The following DLGAP5 variants were observed in gnomAD, a reference collection of about 807,000 sequenced individuals.
DLGAP5 encodes the protein DLG associated protein 5, also known as disks large-associated protein 5.
A neutral mutation model predicts 99.6 loss-of-function variants in DLGAP5; 90 were observed. That is an observed-to-expected ratio of 0.90 (90% CI 0.76 to 1.08). DLGAP5 has a LOEUF of 1.08. DLGAP5 is among the 50% of genes least tolerant of loss of function. DLGAP5 has a pLI of 0.00. For missense variants in DLGAP5, 1,036 were observed against 983.5 expected (o/e 1.05, Z -0.71); for synonymous variants, 311 against 321.3 (o/e 0.97, Z 0.34).
intron 9 of DLGAP5, 74 bp downstream of exon 9, chr14:55,175,820 A>T: frequency 7.8e-7 from 1 of 1,281,600 alleles, no homozygotes; most frequent in Non-Finnish European, 1.1e-6. Context: ...AAATGTAATT[A>T]CTATACCTGA....
chr14:55,159,108 A>G (rs1243832789), intron 13 of DLGAP5, among the ~76,000 whole-genome samples: 1 of 152,092 alleles, frequency 6.6e-6, no homozygotes, highest in Non-Finnish European at 1.5e-5. Context: ...CATTAAAAGA[A>G]AATAAATAAG....
chr14:55,189,106 T>C lies in DLGAP5; in HGVS notation c.74A>G (p.His25Arg), dbSNP rs2139542358. 3 of 1,614,048 alleles carry C rather than the reference T, an allele frequency of 1.9e-6. No homozygotes were observed. In the East Asian group the frequency reaches 6.7e-5, roughly 36 times the overall value. ...TTCTTTCTGAGACAGTGATTTCCTA[T>C]GAGCAATTTTAGTTCTAATCATTTC... ...STEMIRTKIA[H>R]RKSLSQKENR... Residue 25 changes from histidine (H) to arginine (R), a missense_variant, in exon 2 of 19, where the codon CAT (histidine) becomes CGT (arginine). Coordinates refer to ENST00000247191, the MANE Select transcript of DLGAP5 (RefSeq NM_014750.5).
intron 12 of DLGAP5, among the ~76,000 whole-genome samples, chr14:55,164,933 A>AG (rs1882586164): frequency 7.5e-6 from 1 of 134,066 alleles, no homozygotes; most frequent in Non-Finnish European, 1.5e-5. Flanking sequence ...AAAAAAAAAA[A>AG]AAAAGAGAAA....
At chr14:55,187,722 A>T (rs978983420) in intron 2 of DLGAP5, among the ~76,000 whole-genome samples, 8 of 151,956 alleles carry the variant, frequency 5.3e-5, no homozygotes, top group Non-Finnish European at 1.2e-4. Context: ...CTGAAGCTTC[A>T]AACTCCTGAG....
chr14:55,166,907 G>T (rs1057463635), intron 12 of DLGAP5, among the ~76,000 whole-genome samples: 1 of 149,600 alleles, frequency 6.7e-6, no homozygotes, highest in Admixed American at 6.7e-5. Flanking sequence ...TGCCCCAATG[G>T]CCAACTTGAA....
Position 55,180,794 on chromosome 14 carries a change from A to T in DLGAP5, c.581-16T>A, listed in dbSNP as rs775038223. 45 of 1,613,904 alleles carry T rather than the reference A, an allele frequency of 2.8e-5. No homozygotes were observed. The highest frequency in any genetic ancestry group is 3.6e-5 in the Non-Finnish European group (43 of 1,179,956). ...GGCTGCACAACTGTGGGAAAAAAAA[A>T]TAACTACATCAAATGTCCCTTGTAG... is the stretch of plus-strand genomic sequence containing the variant. On this transcript the variant is annotated splice_polypyrimidine_tract_variant and intron_variant, in intron 5 of 18. Coordinates refer to ENST00000247191, the MANE Select transcript of DLGAP5 (RefSeq NM_014750.5).
Position 55,158,636 on chromosome 14 carries a change from TTC to T in DLGAP5, c.1757_1758del (p.Arg586AsnfsTer2), listed in dbSNP as rs1210033215. 2 of 1,608,640 alleles carry T rather than the reference TTC, an allele frequency of 1.2e-6. No homozygotes were observed. Among genetic ancestry groups the T allele is most frequent in the Non-Finnish European group, 1.7e-6 (2 of 1,175,236 alleles). On this transcript the variant is annotated frameshift_variant, in exon 14 of 19. Coordinates refer to ENST00000247191, the MANE Select transcript of DLGAP5 (RefSeq NM_014750.5). LOFTEE classifies it high-confidence loss of function. ...GTTTCAGCACATTCTTCCTGCCTAA[TTC>T]TCTCTCTCATTGCATTTTTTATGGC... ...LAAIKNAMRERIRQEECAETA... is the reference protein window; with the variant it reads ...LAAIKNAMREXIRQEECAETA...
chr14:55,170,802 T>C lies in DLGAP5; in HGVS notation c.1302-15A>G, dbSNP rs1387584905. On this transcript the variant is annotated splice_polypyrimidine_tract_variant and intron_variant, in intron 10 of 18. Coordinates refer to ENST00000247191, the MANE Select transcript of DLGAP5 (RefSeq NM_014750.5). ...GGAGGATATTTCTAAAATTATGACA[T>C]ACATTTCAGTTCTACAAGTGGTTTT... 5 of 1,601,206 alleles carry C rather than the reference T, an allele frequency of 3.1e-6. No homozygotes were observed. In the African/African-American group the frequency reaches 4.0e-5, roughly 13 times the overall value.
chr14:55,178,172 A>C (rs1258928953), intron 7 of DLGAP5, among the ~76,000 whole-genome samples: 1 of 151,980 alleles, frequency 6.6e-6, no homozygotes, highest in Non-Finnish European at 1.5e-5. Flanking sequence ...GAATGGTGAG[A>C]AACCGGGAGG....
At chr14:55,165,991 T>C (rs1222954466) in intron 12 of DLGAP5, among the ~76,000 whole-genome samples, 1 of 152,246 alleles carries the variant, frequency 6.6e-6, no homozygotes, top group African/African-American at 2.4e-5. Context: ...GAAAATAGTT[T>C]GGGCAGTTTC....
At chr14:55,188,122 T>A (rs536404871) in intron 2 of DLGAP5, among the ~76,000 whole-genome samples, 1 of 152,300 alleles carries the variant, frequency 6.6e-6, no homozygotes, top group South Asian at 2.1e-4. Flanking sequence ...TAAAAAATGT[T>A]TGGTTCTTTC....
chr14:55,160,887 T>C (rs535651652), intron 13 of DLGAP5, among the ~76,000 whole-genome samples: 3 of 152,144 alleles, frequency 2.0e-5, no homozygotes, highest in African/African-American at 4.8e-5. Context: ...TAATAGAGTA[T>C]AGAAAACATT....
intron 7 of DLGAP5, among the ~76,000 whole-genome samples, chr14:55,178,028 G>A (rs1332585370): frequency 1.1e-5 from 1 of 89,256 alleles, no homozygotes; most frequent in Non-Finnish European, 1.8e-5. Context: ...TGAGGCGGGC[G>A]GATCACAAGG....
intron 7 of DLGAP5, among the ~76,000 whole-genome samples, chr14:55,178,249 C>T (rs529569348): frequency 1.5e-4 from 22 of 150,786 alleles, no homozygotes; most frequent in Non-Finnish European, 2.4e-4. Flanking sequence ...GAGACTCTGT[C>T]TCAAAAAAAA....
chr14:55,183,315 C>T (rs1056396588), intron 3 of DLGAP5, among the ~76,000 whole-genome samples: 1 of 152,188 alleles, frequency 6.6e-6, no homozygotes, highest in African/African-American at 2.4e-5. Context: ...AGGATAAACA[C>T]CAAATCCTTT....
At position 55,156,862 on chromosome 14, in the gene DLGAP5, A is replaced by C. The variant is rs148882817; in HGVS notation, c.1873+1660T>G. Among the ~76,000 whole-genome samples the C allele has an allele frequency of 3.2e-3, 490 of 152,370 alleles. 4 individuals are homozygous for C. The highest frequency in any genetic ancestry group is 0.011 in the African/African-American group (466 of 41,586). On this transcript the variant is annotated intron_variant, in intron 14 of 18. Coordinates refer to ENST00000247191, the MANE Select transcript of DLGAP5 (RefSeq NM_014750.5). Reference sequence around the variant, plus strand: ...GTTATAAAATGAACATTTGGAGAGTAAGAAAGGGCTCTTGGGAATTAAAAA... The same window carrying C: ...GTTATAAAATGAACATTTGGAGAGTCAGAAAGGGCTCTTGGGAATTAAAAA...
Position 55,181,366 on chromosome 14 carries a change from T to A in DLGAP5, c.496-69A>T. 5 of 1,282,926 alleles carry A rather than the reference T, an allele frequency of 3.9e-6. No individual in the cohort carries two copies. The Admixed American group carries it at 8.5e-5, about 22-fold the overall frequency. The allele number at this position is 1,282,926 out of a possible 1,614,324, so 79.5% of individuals were successfully genotyped here. The stretch of plus-strand genomic sequence containing the variant: ...ATCAGACCATCATATTTTTAATCTG[T>A]AAATTGATTCCTCATATGAAATCTG... On this transcript the variant is annotated intron_variant, in intron 4 of 18. Coordinates refer to ENST00000247191, the MANE Select transcript of DLGAP5 (RefSeq NM_014750.5).
chr14:55,185,020 C>A (rs1366598971), intron 2 of DLGAP5, among the ~76,000 whole-genome samples: 1 of 152,204 alleles, frequency 6.6e-6, no homozygotes, highest in East Asian at 1.9e-4. Flanking sequence ...CAAGGACATT[C>A]TTCCAGCAAC....
chr14:55,178,939 C>A (rs748824362), intron 7 of DLGAP5, among the ~76,000 whole-genome samples: 1 of 151,928 alleles, frequency 6.6e-6, no homozygotes, highest in South Asian at 2.1e-4. Flanking sequence ...CCCAACTACT[C>A]GGGAGGCTGA....
Sources: allele counts gnomAD v4.1 joint callset (sites outside exome capture counted in the v4.1 genomes callset), GRCh38; gene constraint gnomAD v4.1.1; transcripts MANE v1.5; gene names NCBI Gene and HGNC (gene_info 2026-07-23, HGNC 2026-07-21).